Variants in PRUNE2 observed in about 807,000 individuals in gnomAD.
The protein encoded by PRUNE2 is protein prune homolog 2.
Under a neutral mutation model 252.0 loss-of-function variants are expected in PRUNE2, and 164 were observed. The observed-to-expected ratio is 0.65, with a 90% CI of 0.57 to 0.74. The LOEUF (loss-of-function observed/expected upper bound fraction) is 0.74. Ranked by LOEUF, PRUNE2 falls within the 30% of genes least tolerant of loss-of-function variation. The pLI, the probability that PRUNE2 is intolerant of heterozygous loss-of-function variation, is 0.00. For synonymous variants in PRUNE2, 1,292 were observed against 1,350.2 expected, an observed-to-expected ratio of 0.96 and a Z score of 0.94; for missense variants, 3,495 against 3,711.0, an observed-to-expected ratio of 0.94 and a Z score of 1.51.
intron 6 of PRUNE2, among the ~76,000 whole-genome samples, chr9:76,769,957 G>A (rs1445418848): frequency 6.6e-6 from 1 of 152,170 alleles, no homozygotes; most frequent in Non-Finnish European, 1.5e-5. Context: ...TCCTGAAAAT[G>A]TATTATAAAG....
In PRUNE2 at chr9:76,644,763, A is replaced by G. The variant is rs1447249966; in HGVS notation, c.8704T>C (p.Tyr2902His). 2 of 1,613,844 alleles carry G rather than the reference A, an allele frequency of 1.2e-6. No individual in the cohort carries two copies. The highest frequency in any genetic ancestry group is 1.7e-5 in the Admixed American group (1 of 60,004). The change falls in exon 12 of 19, where the codon TAC (tyrosine) becomes CAC (histidine). Residue 2902 changes from tyrosine to histidine, a missense_variant. Physicochemically the swap from Tyr to His is moderately conservative, Grantham distance 83. Coordinates refer to ENST00000376718, the MANE Select transcript of PRUNE2 (RefSeq NM_015225.3). ...CCTCCGTGAGAAATGACTCTCCTGT[A>G]GGGCTCGATGACCTTCATGTCAATG... ...QRIDMKVIEPYRRVISHGGYY... is the reference protein window; with the variant it reads ...QRIDMKVIEPHRRVISHGGYY...
chr9:76,718,905 GT>G (rs2047388583), intron 6 of PRUNE2, among the ~76,000 whole-genome samples: 3 of 152,058 alleles, frequency 2.0e-5, no homozygotes, highest in South Asian at 4.1e-4. Flanking sequence ...ATCCTTGATT[GT>G]TTTTTTCCTC....
intron 1 of PRUNE2, among the ~76,000 whole-genome samples, chr9:76,873,277 G>A (rs1223216710): frequency 2.0e-5 from 3 of 152,144 alleles, no homozygotes; most frequent in Admixed American, 2.0e-4. Flanking sequence ...GTCCACTGAG[G>A]ATTAATTACG....
chr9:76,736,074 A>T (rs2049045008), intron 6 of PRUNE2, among the ~76,000 whole-genome samples: 1 of 152,220 alleles, frequency 6.6e-6, no homozygotes, highest in Non-Finnish European at 1.5e-5. Context: ...AATATGAAAT[A>T]CCAAATTTGC....
intron 6 of PRUNE2, among the ~76,000 whole-genome samples, chr9:76,758,051 A>C (rs189342813): frequency 6.6e-6 from 1 of 152,298 alleles, no homozygotes; most frequent in African/African-American, 2.4e-5. Context: ...TCTTCTGGTT[A>C]ACCTTTGCTA....
At chr9:76,886,692 A>G (rs929769811) in intron 1 of PRUNE2, among the ~76,000 whole-genome samples, 3 of 152,200 alleles carry the variant, frequency 2.0e-5, no homozygotes, top group East Asian at 1.9e-4. Context: ...CACTCCACAC[A>G]ATGACTGAAG....
intron 1 of PRUNE2, among the ~76,000 whole-genome samples, chr9:76,875,273 A>G (rs182490901): frequency 4.7e-4 from 71 of 152,278 alleles, no homozygotes; most frequent in Non-Finnish European, 9.4e-4. Context: ...AATACTCTTC[A>G]GTACTGGAGA....
chr9:76,735,596 A>G (rs2049008495), intron 6 of PRUNE2, among the ~76,000 whole-genome samples: 1 of 151,888 alleles, frequency 6.6e-6, no homozygotes, highest in African/African-American at 2.4e-5. Flanking sequence ...CTTTAGGATC[A>G]CTCATTAGGC....
rs769401695 is a variant in PRUNE2, at chr9:76,706,608, T to C, written c.5666A>G (p.Asp1889Gly). Residue 1889 changes from aspartate (D) to glycine (G), a missense_variant, in exon 8 of 19, where the codon GAC becomes GGC. Transcript: ENST00000376718. ...TTCCAGAAAGGGTGACTGATGGTTGTCACTAAAAGGATTAGTATAGTGTGT... is the reference window on the plus strand; with the variant it reads ...TTCCAGAAAGGGTGACTGATGGTTGCCACTAAAAGGATTAGTATAGTGTGT... ...VETHYTNPFS[D>G]NHQSPFLEGN... 51 of 1,613,852 alleles carry C rather than the reference T, an allele frequency of 3.2e-5. No homozygotes were observed. The East Asian group carries it at 1.1e-3, about 35-fold the overall frequency.
intron 18 of PRUNE2, among the ~76,000 whole-genome samples, chr9:76,617,563 C>A (rs1366567424): frequency 6.6e-6 from 1 of 151,978 alleles, no homozygotes; most frequent in African/African-American, 2.4e-5. Flanking sequence ...CTGATCTCAT[C>A]ATCCACACTG....
At chr9:76,852,947 T>C (rs73653229) in intron 2 of PRUNE2, among the ~76,000 whole-genome samples, 17,637 of 152,044 alleles carry the variant, frequency 0.12, 1,588 homozygotes, top group African/African-American at 0.25. Context: ...TATATCATTT[T>C]GAAGTCCACG....
intron 1 of PRUNE2, among the ~76,000 whole-genome samples, chr9:76,897,552 T>A (rs554222615): frequency 4.2e-4 from 64 of 151,974 alleles, no homozygotes; most frequent in African/African-American, 1.5e-3. Context: ...TAGCTGGGAT[T>A]ATAGATGCAC....
At chr9:76,812,473 TTTC>T (rs553223745) in intron 6 of PRUNE2, among the ~76,000 whole-genome samples, 139 of 152,336 alleles carry the variant, frequency 9.1e-4, no homozygotes, top group African/African-American at 3.0e-3. Flanking sequence ...AAGGTTCTAC[TTTC>T]TTCTTGATTG....
chr9:76,681,260 T>C (rs535486852), intron 9 of PRUNE2, among the ~76,000 whole-genome samples: 1 of 152,040 alleles, frequency 6.6e-6, no homozygotes, highest in Non-Finnish European at 1.5e-5. Flanking sequence ...AAACAGAAAG[T>C]AGAATGGTGG....
Position 76,727,802 on chromosome 9 carries a change from C to T in PRUNE2, c.757-14081G>A, listed in dbSNP as rs569788957. 2.8e-5 allele frequency among the ~76,000 whole-genome samples: 4 copies of T among 144,412 alleles called. No individual in the cohort carries two copies. In the East Asian group the frequency reaches 8.2e-4, roughly 30 times the overall value. 94.7% of individuals were successfully genotyped at this position (144,412 alleles called of 152,430 possible). ...TGATTTCGGTTCACTGTAACCTCTG[C>T]CCCCAGGTTCAAGTGATCCTTCCAC... On this transcript the variant is annotated intron_variant, in intron 6 of 18. Transcript: ENST00000376718.
At chr9:76,831,985 G>A (rs1166573444) in intron 4 of PRUNE2, among the ~76,000 whole-genome samples, 1 of 151,980 alleles carries the variant, frequency 6.6e-6, no homozygotes. Context: ...CAAACAAAAC[G>A]GACTACAAAA....
chr9:76,634,562 C>G (rs1469469961), intron 15 of PRUNE2, among the ~76,000 whole-genome samples: 2 of 152,202 alleles, frequency 1.3e-5, no homozygotes, highest in Non-Finnish European at 2.9e-5. Context: ...CTTCATCACA[C>G]TGTACCCAAA....
At chr9:76,826,463 ACT>A (rs2058351649) in intron 5 of PRUNE2, 115 bp downstream of exon 5, 1 of 768,048 alleles carries the variant, frequency 1.3e-6, no homozygotes, top group Non-Finnish European at 2.1e-6. Flanking sequence ...ATAGAGTGAG[ACT>A]CTGTATAAAA....
At chr9:76,843,198 C>T (rs58840465) in intron 4 of PRUNE2, among the ~76,000 whole-genome samples, 13,234 of 152,150 alleles carry the variant, frequency 0.087, 717 homozygotes, top group East Asian at 0.15. Flanking sequence ...CTGGAAACCA[C>T]CATTTCTCAG....
Sources: allele counts gnomAD v4.1 joint callset (sites outside exome capture counted in the v4.1 genomes callset), GRCh38; gene constraint gnomAD v4.1.1; transcripts MANE v1.5; gene names NCBI Gene and HGNC (gene_info 2026-07-23, HGNC 2026-07-21).